Variants in TOMM40 observed in about 807,000 individuals in gnomAD.
The protein encoded by TOMM40 is translocase of outer mitochondrial membrane 40.
In TOMM40, 9 loss-of-function variants were observed where a neutral mutation model predicts 38.4. The ratio of observed to expected loss-of-function variants is 0.23; its 90% CI spans 0.14 to 0.41. The LOEUF (loss-of-function observed/expected upper bound fraction) is 0.41. TOMM40 is among the 10% of genes least tolerant of loss of function. The pLI is 1.00. For synonymous variants in TOMM40, 184 were observed against 210.0 expected (o/e 0.88, Z 1.07); for missense variants, 299 against 486.5 (o/e 0.61, Z 3.63).
rs1051305634 is a variant in TOMM40 at position 44,891,626 on chromosome 19, G to A, written c.211G>A (p.Asp71Asn). ...CGCCAGCGCCTCAGGGGCCGCCGAGGATGGGGCCTGCGGCTGCCTGCCCAA... is the reference window on the plus strand; with the variant it reads ...CGCCAGCGCCTCAGGGGCCGCCGAGAATGGGGCCTGCGGCTGCCTGCCCAA... ...ATASASGAAE[D>N]GACGCLPNPG... Residue 71 changes from aspartate (D) to asparagine (N), a missense_variant, in exon 1 of 9, where the codon GAT becomes AAT. Physicochemically the swap from Asp to Asn is conservative, Grantham distance 23 (BLOSUM62 1). Coordinates refer to ENST00000426677, the MANE Select transcript of TOMM40 (RefSeq NM_001128917.2). 1.3e-6 allele frequency: 2 copies of A among 1,484,578 alleles called. No homozygotes were observed. The highest frequency in any genetic ancestry group is 1.8e-6 in the Non-Finnish European group (2 of 1,122,194). The allele number at this position is 1,484,578 out of a possible 1,614,324, so 92.0% of individuals were successfully genotyped here.
chr19:44,891,807 G>A lies in TOMM40; in HGVS notation c.274+118G>A, dbSNP rs144159716. Reference sequence around the variant, plus strand: ...TTGGAATTATTTAACAGCACTAGGAGGTGATGTTGGGATCGAATGGTGGAA... The same window carrying A: ...TTGGAATTATTTAACAGCACTAGGAAGTGATGTTGGGATCGAATGGTGGAA... On this transcript the variant is annotated intron_variant, in intron 1 of 8. Coordinates refer to ENST00000426677, the MANE Select transcript of TOMM40 (RefSeq NM_001128917.2). 281 of 1,096,858 alleles carry A rather than the reference G, an allele frequency of 2.6e-4. No individual in the cohort carries two copies. The African/African-American group carries it at 4.1e-3, about 16-fold the overall frequency. The allele number at this position is 1,096,858 out of a possible 1,614,324, so 67.9% of individuals were successfully genotyped here. A position where few individuals can be genotyped will look rare whatever the true frequency, so the allele number is the denominator to read the frequency against.
chr19:44,891,925 G>C (rs1266995544), intron 1 of TOMM40, among the ~76,000 whole-genome samples: 2 of 152,200 alleles, frequency 1.3e-5, no homozygotes, highest in African/African-American at 4.8e-5. Flanking sequence ...GACCTGAGGA[G>C]CCCCGGGATC....
chr19:44,893,307 C>T (rs1046627047), intron 3 of TOMM40, among the ~76,000 whole-genome samples: 15 of 152,046 alleles, frequency 9.9e-5, no homozygotes, highest in Non-Finnish European at 1.9e-4. Flanking sequence ...AAGGGAAAGA[C>T]GTGGTCCACA....
rs1969496770 is a variant in TOMM40 at position 44,892,972 on chromosome 19, C to T, written c.435+43C>T. ...TCCATTCATTGTATCCTTCTAATAA[C>T]AAATTTGTAGCCAAATGTCAAGCTA... On this transcript the variant is annotated intron_variant, in intron 3 of 8. Coordinates refer to ENST00000426677, the MANE Select transcript of TOMM40 (RefSeq NM_001128917.2). 7 of 1,535,022 alleles carry T rather than the reference C, an allele frequency of 4.6e-6. No homozygotes were observed. The Admixed American group carries it at 1.3e-4, about 27-fold the overall frequency.
In TOMM40 at chr19:44,893,834, G is replaced by A; in HGVS notation, c.490G>A (p.Val164Ile). 1 of 1,612,294 alleles carries A rather than the reference G, an allele frequency of 6.2e-7. No homozygotes were observed. The highest frequency in any genetic ancestry group is 8.5e-7 in the Non-Finnish European group (1 of 1,180,020). The change falls in exon 4 of 9, where the codon GTC becomes ATC. Residue 164 changes from valine to isoleucine, a missense_variant. Transcript: ENST00000426677. ...CAACAGTGGCAGTCTCAACGCTCAG[G>A]TCATTCACCAGCTGGGCCCCGGTCT... ...MDNSGSLNAQ[V>I]IHQLGPGLRS...
rs960802347 is a variant in TOMM40 at position 44,894,212 on chromosome 19, G to A, written c.643+146G>A. On this transcript the variant is annotated intron_variant, in intron 5 of 8. Transcript: ENST00000426677. ...TTGAAACATCAGGCAACATACTACAGTGGGTGAGACGGTCACCCACTGACC... is the reference window on the plus strand; with the variant it reads ...TTGAAACATCAGGCAACATACTACAATGGGTGAGACGGTCACCCACTGACC... 3 of 543,310 alleles carry A rather than the reference G, an allele frequency of 5.5e-6. No homozygotes were observed. The African/African-American group carries it at 5.9e-5, about 11-fold the overall frequency. 33.7% of individuals were successfully genotyped at this position (543,310 alleles called of 1,614,324 possible).
Position 44,901,328 on chromosome 19 carries a change from C to T in TOMM40, c.946+18C>T, listed in dbSNP as rs1969678981. 2 of 1,609,168 alleles carry T rather than the reference C, an allele frequency of 1.2e-6. No homozygotes were observed. The highest frequency in any genetic ancestry group is 1.1e-5 in the South Asian group (1 of 90,172). The stretch of plus-strand genomic sequence containing the variant: ...CTTCAAAGGTAAAGGTCTCGGTTCC[C>T]CTACGCGGGAAACAGGCAGGAGGTG... On this transcript the variant is annotated intron_variant, in intron 8 of 8. Coordinates refer to ENST00000426677, the MANE Select transcript of TOMM40 (RefSeq NM_001128917.2).
rs1969454472 is a variant in TOMM40, at chr19:44,891,276, T to TGGGAGCGGAGCCCAGGCC, written c.-133_-116dup. 1.7e-6 allele frequency: 2 copies of TGGGAGCGGAGCCCAGGCC among 1,153,720 alleles called. No homozygotes were observed. Among genetic ancestry groups the TGGGAGCGGAGCCCAGGCC allele is most frequent in the Admixed American group, 4.4e-5 (1 of 22,496 alleles). 71.5% of individuals were successfully genotyped at this position (1,153,720 alleles called of 1,614,324 possible). A position where few individuals can be genotyped will look rare whatever the true frequency, so the allele number is the denominator to read the frequency against. ...GTTCGGTTGCGCGTGGCGCACGGGG[T>TGGGAGCGGAGCCCAGGCC]GGGAGCGGAGCCCAGGCCGGGAGCA... On this transcript the variant is annotated 5_prime_UTR_variant, in exon 1 of 9. Coordinates refer to ENST00000426677, the MANE Select transcript of TOMM40 (RefSeq NM_001128917.2).
intron 5 of TOMM40, among the ~76,000 whole-genome samples, chr19:44,897,808 G>A (rs1969595993): frequency 6.6e-6 from 1 of 150,516 alleles, no homozygotes; most frequent in Non-Finnish European, 1.5e-5. Context: ...GAGAGGGAGA[G>A]ATGGGGGTCT....
At position 44,891,278 on chromosome 19, in the gene TOMM40, G is replaced by A; in HGVS notation, c.-138G>A. On this transcript the variant is annotated 5_prime_UTR_variant, in exon 1 of 9. Coordinates refer to ENST00000426677, the MANE Select transcript of TOMM40 (RefSeq NM_001128917.2). Reference sequence around the variant, plus strand: ...TCGGTTGCGCGTGGCGCACGGGGTGGGAGCGGAGCCCAGGCCGGGAGCAGG... The same window carrying A: ...TCGGTTGCGCGTGGCGCACGGGGTGAGAGCGGAGCCCAGGCCGGGAGCAGG... 2.6e-6 allele frequency: 3 copies of A among 1,159,468 alleles called. No individual in the cohort carries two copies. Among genetic ancestry groups the A allele is most frequent in the South Asian group, 4.3e-5 (1 of 23,456 alleles). 71.8% of individuals were successfully genotyped at this position (1,159,468 alleles called of 1,614,324 possible).
At chr19:44,901,526 G>A in intron 8 of TOMM40, 1 of 1,276,744 alleles carries the variant, frequency 7.8e-7, no homozygotes, top group Non-Finnish European at 1.0e-6. Context: ...GCCGAGGTAA[G>A]GAGATTGAGA....
chr19:44,901,492 C>T lies in TOMM40; in HGVS notation c.946+182C>T, dbSNP rs896144037. The T allele has an allele frequency of 3.7e-5, 53 of 1,440,828 alleles. No individual in the cohort carries two copies. In the African/African-American group the frequency reaches 6.0e-4, roughly 16 times the overall value. 89.3% of individuals were successfully genotyped at this position (1,440,828 alleles called of 1,614,324 possible). ...GTGCGGTGGCTCACGCCTGTAATCC[C>T]AGCACTTTGGGAGGCCAAGGCGGGC... On this transcript the variant is annotated intron_variant, in intron 8 of 8. Transcript: ENST00000426677.
chr19:44,893,001 C>G, intron 3 of TOMM40, 72 bp downstream of exon 3: 1 of 1,335,984 alleles, frequency 7.5e-7, no homozygotes, highest in Non-Finnish European at 1.0e-6. Context: ...CAAGCTAAGA[C>G]GGCCTCATCA....
At chr19:44,894,828 G>C (rs1289654390) in intron 5 of TOMM40, among the ~76,000 whole-genome samples, 2 of 152,182 alleles carry the variant, frequency 1.3e-5, no homozygotes, top group Non-Finnish European at 2.9e-5. Context: ...GCAGAGCCTT[G>C]GCCTTCGCTC....
chr19:44,891,310 C>G lies in TOMM40; in HGVS notation c.-106C>G. 1 of 1,205,040 alleles carries G rather than the reference C, an allele frequency of 8.3e-7. No homozygotes were observed. The highest frequency in any genetic ancestry group is 1.0e-6 in the Non-Finnish European group (1 of 969,972). 74.6% of individuals were successfully genotyped at this position (1,205,040 alleles called of 1,614,324 possible). On this transcript the variant is annotated 5_prime_UTR_variant, in exon 1 of 9. Coordinates refer to ENST00000426677, the MANE Select transcript of TOMM40 (RefSeq NM_001128917.2). ...AGCCCAGGCCGGGAGCAGGCGCCGC[C>G]GCCAGTGAGAACCGGGGCCGGAGCC...
At position 44,901,289 on chromosome 19, in the gene TOMM40, A is replaced by G; in HGVS notation, c.925A>G (p.Lys309Glu). 6.2e-7 allele frequency: 1 copy of G among 1,613,998 alleles called. No homozygotes were observed. Among genetic ancestry groups the G allele is most frequent in the Non-Finnish European group, 8.5e-7 (1 of 1,179,956 alleles). The change falls in exon 8 of 9, where the codon AAG becomes GAG. Residue 309 changes from lysine (K) to glutamate (E), a missense_variant. Physicochemically the swap from Lys to Glu is moderately conservative, Grantham distance 56. Coordinates refer to ENST00000426677, the MANE Select transcript of TOMM40 (RefSeq NM_001128917.2). ...VSFGYQLDLP[K>E]ANLLFKGSVD... ...CTTCGGGTACCAGCTGGACCTGCCC[A>G]AGGCCAACCTCCTCTTCAAAGGTAA...
At position 44,900,844 on chromosome 19, in the gene TOMM40, A is replaced by C. The variant is rs777849338; in HGVS notation, c.758A>C (p.Lys253Thr). The C allele has an allele frequency of 1.9e-6, 3 of 1,614,002 alleles. No individual in the cohort carries two copies. Among genetic ancestry groups the C allele is most frequent in the South Asian group, 2.2e-5 (2 of 91,080 alleles). The change falls in exon 6 of 9, where the codon AAA becomes ACA. Residue 253 changes from lysine (K) to threonine (T), a missense_variant. Transcript: ENST00000426677. ...EEGTVMSLAG[K>T]YTLNNWLATV... ...GGCACTGTCATGTCTCTAGCTGGGA[A>C]ATACACATGTGAGCCTGGCGCCTGG...
chr19:44,894,780 A>C (rs1242268956), intron 5 of TOMM40, among the ~76,000 whole-genome samples: 1 of 152,086 alleles, frequency 6.6e-6, no homozygotes, highest in African/African-American at 2.4e-5. Context: ...CGTGAAAGGA[A>C]CTTGAGGGAG....
At chr19:44,895,171 G>A (rs773189179) in intron 5 of TOMM40, among the ~76,000 whole-genome samples, 3 of 152,130 alleles carry the variant, frequency 2.0e-5, no homozygotes, top group Non-Finnish European at 4.4e-5. Flanking sequence ...GGGGAGCTAG[G>A]GTTGGCCTTG....
Sources: allele counts gnomAD v4.1 joint callset (sites outside exome capture counted in the v4.1 genomes callset), GRCh38; gene constraint gnomAD v4.1.1; transcripts MANE v1.5; gene names NCBI Gene and HGNC (gene_info 2026-07-23, HGNC 2026-07-21).